CAST: variants seen among roughly 807,000 people sequenced by gnomAD.
The protein encoded by CAST is calpastatin.
In CAST, 76 loss-of-function variants were observed where a neutral mutation model predicts 119.6. The ratio of observed to expected loss-of-function variants is 0.64; its 90% confidence interval spans 0.53 to 0.77. The LOEUF is 0.77. Ranked by LOEUF, CAST falls within the 30% of genes least tolerant of loss-of-function variation. The pLI is 0.00. For missense variants in CAST, 953 were observed against 946.5 expected, an observed-to-expected ratio of 1.01 and a Z score of -0.09; for synonymous variants, 319 against 331.6, an observed-to-expected ratio of 0.96 and a Z score of 0.41.
chr5:96,664,455 T>C (rs2150220781), intron 1 of CAST, among the ~76,000 whole-genome samples: 1 of 152,154 alleles, frequency 6.6e-6, no homozygotes, highest in South Asian at 2.1e-4. Flanking sequence ...ACAGGGTCTC[T>C]CTCACTATGT....
the CAST span, among the ~76,000 whole-genome samples, chr5:96,150,129 A>T: frequency 6.6e-6 from 1 of 152,196 alleles, no homozygotes; most frequent in African/African-American, 2.4e-5. Context: ...TTTATAGCTT[A>T]ATGGGGGAGA....
chr5:96,386,472 T>A, the CAST span, among the ~76,000 whole-genome samples: 7 of 152,340 alleles, frequency 4.6e-5, no homozygotes, highest in Non-Finnish European at 8.8e-5. Flanking sequence ...GGCCACATAA[T>A]CTTAGCCAGA....
intron 3 of CAST, chr5:96,702,913 A>T: frequency 6.1e-6 from 6 of 985,566 alleles, no homozygotes; most frequent in Non-Finnish European, 7.2e-6. Flanking sequence ...GTGTCCACGC[A>T]GAGTGAGTAC....
upstream of CAST, among the ~76,000 whole-genome samples, chr5:96,661,419 GAAAAAAAAA>G (rs34922511): frequency 2.3e-5 from 2 of 88,400 alleles, no homozygotes; most frequent in South Asian, 4.3e-4. Context: ...TGCCTCTCCA[GAAAAAAAAA>G]AAAAAAAAAA....
At chr5:96,105,132 T>G in the CAST span, among the ~76,000 whole-genome samples, 2 of 145,146 alleles carry the variant, frequency 1.4e-5, no homozygotes, top group Non-Finnish European at 3.0e-5. Context: ...AAGGAGATTT[T>G]GGGCTGAGAC....
the CAST span, chr5:96,397,458 C>T: frequency 6.2e-7 from 1 of 1,613,174 alleles, no homozygotes; most frequent in Non-Finnish European, 8.5e-7. Context: ...GCCAAGAGCA[C>T]AGTGCTAGTT....
chr5:96,606,722 G>T (rs1747263699), intron 1 of CAST, among the ~76,000 whole-genome samples: 1 of 152,156 alleles, frequency 6.6e-6, no homozygotes, highest in African/African-American at 2.4e-5. Flanking sequence ...TTTTGTTTTT[G>T]ACCATGGGAA....
chr5:96,032,755 C>A, the CAST span, among the ~76,000 whole-genome samples: 1 of 152,020 alleles, frequency 6.6e-6, no homozygotes, highest in Non-Finnish European at 1.5e-5. Context: ...ACTTTATATA[C>A]CACTTCTCTA....
intron 1 of CAST, among the ~76,000 whole-genome samples, chr5:96,629,555 A>G (rs1747786862): frequency 6.6e-6 from 1 of 152,218 alleles, no homozygotes; most frequent in South Asian, 2.1e-4. Flanking sequence ...TCTTCTTGCT[A>G]AAAAGTATGG....
the CAST span, among the ~76,000 whole-genome samples, chr5:96,071,332 A>T: frequency 6.6e-6 from 1 of 151,870 alleles, no homozygotes; most frequent in Non-Finnish European, 1.5e-5. Flanking sequence ...TACTACCACC[A>T]TTACCATCTC....
chr5:96,090,087 G>A, the CAST span, among the ~76,000 whole-genome samples: 1 of 152,096 alleles, frequency 6.6e-6, no homozygotes, highest in African/African-American at 2.4e-5. Context: ...TATTGTGAAG[G>A]TTAAGTAAGG....
the CAST span, among the ~76,000 whole-genome samples, chr5:96,385,178 T>A: frequency 6.6e-6 from 1 of 152,186 alleles, no homozygotes; most frequent in Non-Finnish European, 1.5e-5. Flanking sequence ...CATCCAAATG[T>A]TGCTTGAGTT....
At chr5:96,502,082 G>GA in the CAST span, among the ~76,000 whole-genome samples, 22,090 of 151,956 alleles carry the variant, frequency 0.15, 2,292 homozygotes, top group East Asian at 0.52. Flanking sequence ...TGGAACATTT[G>GA]AAAAAAACAC....
chr5:96,292,086 G>A, the CAST span, among the ~76,000 whole-genome samples: 1 of 152,022 alleles, frequency 6.6e-6, no homozygotes, highest in Non-Finnish European at 1.5e-5. Flanking sequence ...GAAGGAAAGA[G>A]GCAAACACTG....
chr5:96,258,434 A>G, the CAST span, among the ~76,000 whole-genome samples: 4 of 152,230 alleles, frequency 2.6e-5, no homozygotes, highest in African/African-American at 9.6e-5. Flanking sequence ...CATTTCAACC[A>G]TTTTAAGATA....
chr5:96,561,786 G>GGTTTTGTT (rs1189100090), intron 1 of CAST, among the ~76,000 whole-genome samples: 24 of 105,432 alleles, frequency 2.3e-4, no homozygotes, highest in Admixed American at 5.6e-4. Context: ...TTATATATAT[G>GGTTTTGTT]TTTTTTTTTG....
chr5:96,465,249 AT>A, the CAST span, among the ~76,000 whole-genome samples: 35 of 151,654 alleles, frequency 2.3e-4, no homozygotes, highest in African/African-American at 7.7e-4. Context: ...ATTTTTGTAT[AT>A]TTTTTATCCT....
chr5:96,708,487 T>A (rs1045695370), intron 3 of CAST, among the ~76,000 whole-genome samples: 1 of 152,178 alleles, frequency 6.6e-6, no homozygotes, highest in Non-Finnish European at 1.5e-5. Flanking sequence ...ATTTTTCTAT[T>A]GTTTTAGTTA....
At chr5:96,128,871 A>G in the CAST span, among the ~76,000 whole-genome samples, 27 of 152,230 alleles carry the variant, frequency 1.8e-4, no homozygotes, top group Admixed American at 3.3e-4. Context: ...CATGTACAGG[A>G]CATCTTAAGA....
Sources: gnomAD v4.1 joint callset for allele counts (sites outside exome capture counted in the v4.1 genomes callset) on GRCh38, gnomAD v4.1.1 for gene constraint, MANE v1.5 for transcripts, NCBI Gene and HGNC (gene_info 2026-07-23, HGNC 2026-07-21) for gene names.